Variants in AK9 observed in about 807,000 individuals in gnomAD.
AK9 encodes adenylate kinase domain containing 1.
In AK9, 191 loss-of-function variants were observed where a neutral mutation model predicts 239.6. The ratio of observed to expected loss-of-function variants is 0.80; its 90% CI spans 0.71 to 0.90. AK9 has a LOEUF of 0.90. Among genes scored for constraint, AK9 ranks in the 40% least tolerant of loss-of-function variants. The probability of loss-of-function intolerance (pLI) is 0.00; values close to 1 mark genes in which losing one functional copy is unlikely to be tolerated. For synonymous variants in AK9, 689 were observed against 721.0 expected, an observed-to-expected ratio of 0.96 and a Z score of 0.71; for missense variants, 1,995 against 2,214.7, an observed-to-expected ratio of 0.90 and a Z score of 1.99.
In AK9 at chr6:109,614,466, T is replaced by C; in HGVS notation, c.1414A>G (p.Arg472Gly). 1 of 1,551,124 alleles carries C rather than the reference T, an allele frequency of 6.4e-7. No homozygotes were observed. Among genetic ancestry groups the C allele is most frequent in the Non-Finnish European group, 8.7e-7 (1 of 1,146,658 alleles). ...QARKQAETALREFQRQYEKME... is the reference protein window; with the variant it reads ...QARKQAETALGEFQRQYEKME... ...TTTTCATATTGCCTTTGAAATTCTCTTAAAGCTGTTTCAGCTGAAATATAA... is the reference window on the plus strand; with the variant it reads ...TTTTCATATTGCCTTTGAAATTCTCCTAAAGCTGTTTCAGCTGAAATATAA... The change falls in exon 14 of 41, where the codon AGA becomes GGA. Residue 472 changes from arginine (R) to glycine (G), a missense_variant. Physicochemically the swap from Arg to Gly is moderately radical, Grantham distance 125 (BLOSUM62 -2). Coordinates refer to ENST00000424296, the MANE Select transcript of AK9 (RefSeq NM_001145128.3).
At chr6:109,658,221 C>T (rs1799959424) in intron 7 of AK9, among the ~76,000 whole-genome samples, 1 of 152,070 alleles carries the variant, frequency 6.6e-6, no homozygotes, top group Non-Finnish European at 1.5e-5. Context: ...TTCAAAGTGG[C>T]TCAATACACG....
intron 5 of AK9, among the ~76,000 whole-genome samples, chr6:109,668,886 T>C (rs1298788886): frequency 1.1e-5 from 1 of 90,426 alleles, no homozygotes; most frequent in Non-Finnish European, 2.5e-5. Flanking sequence ...TGCCAGCTCT[T>C]TTTTGGTTCC....
chr6:109,642,628 G>A (rs925139458), intron 9 of AK9, among the ~76,000 whole-genome samples: 2 of 152,078 alleles, frequency 1.3e-5, no homozygotes, highest in South Asian at 2.1e-4. Context: ...GTAGTAAAAA[G>A]TGGTAGAATT....
intron 3 of AK9, among the ~76,000 whole-genome samples, chr6:109,673,522 A>G (rs940435650): frequency 1.3e-5 from 2 of 151,906 alleles, no homozygotes; most frequent in African/African-American, 4.8e-5. Flanking sequence ...TTATTAATTA[A>G]AAGAATATTT....
intron 17 of AK9, among the ~76,000 whole-genome samples, chr6:109,604,278 C>G (rs1326415343): frequency 6.6e-6 from 1 of 152,200 alleles, no homozygotes; most frequent in Non-Finnish European, 1.5e-5. Context: ...TTTTCCCTTA[C>G]AAGTTCTTCC....
chr6:109,520,720 A>G (rs1779771660), intron 29 of AK9, among the ~76,000 whole-genome samples: 2 of 152,146 alleles, frequency 1.3e-5, no homozygotes, highest in African/African-American at 4.8e-5. Context: ...AACAATACTG[A>G]TTCTTCCAGT....
intron 1 of AK9, among the ~76,000 whole-genome samples, chr6:109,689,378 C>T (rs1773990076): frequency 6.6e-6 from 1 of 152,178 alleles, no homozygotes; most frequent in Non-Finnish European, 1.5e-5. Context: ...GCACGACCAG[C>T]CCAACTTCCA....
chr6:109,523,924 C>T (rs956634068), intron 29 of AK9, among the ~76,000 whole-genome samples: 1 of 152,126 alleles, frequency 6.6e-6, no homozygotes, highest in Non-Finnish European at 1.5e-5. Context: ...AGGTACATAA[C>T]AAAGTCCAGA....
At chr6:109,510,945 A>C (rs1410893276) in intron 32 of AK9, among the ~76,000 whole-genome samples, 2 of 152,246 alleles carry the variant, frequency 1.3e-5, no homozygotes, top group East Asian at 3.8e-4. Flanking sequence ...TTCTCAATGA[A>C]ATTTCAAAAA....
At chr6:109,653,375 T>C (rs555641570) in intron 8 of AK9, among the ~76,000 whole-genome samples, 4 of 152,332 alleles carry the variant, frequency 2.6e-5, no homozygotes, top group Non-Finnish European at 4.4e-5. Context: ...TCTGCCAAAC[T>C]GAGTTAAAAA....
chr6:109,537,251 G>A (rs1041893993), intron 27 of AK9, among the ~76,000 whole-genome samples: 5 of 151,982 alleles, frequency 3.3e-5, no homozygotes, highest in African/African-American at 1.2e-4. Flanking sequence ...TTTTTGGTTG[G>A]TAGGCTATTA....
chr6:109,546,155 G>A, intron 25 of AK9, 28 bp from the exon 26 acceptor site: 2 of 1,329,306 alleles, frequency 1.5e-6, no homozygotes, highest in East Asian at 2.5e-5. Flanking sequence ...TCAGGGAGGG[G>A]TGGGATAAAG....
chr6:109,637,428 C>A (rs1460034322), intron 10 of AK9, among the ~76,000 whole-genome samples: 1 of 152,092 alleles, frequency 6.6e-6, no homozygotes, highest in Non-Finnish European at 1.5e-5. Flanking sequence ...GTCTCAAACT[C>A]CTGGCCTCAA....
Position 109,493,129 on chromosome 6 carries a change from A to T in AK9, c.*240T>A. 1 of 348,980 alleles carries T rather than the reference A, an allele frequency of 2.9e-6. No individual in the cohort carries two copies. The highest frequency in any genetic ancestry group is 5.1e-6 in the Non-Finnish European group (1 of 194,640). 21.6% of individuals were successfully genotyped at this position (348,980 alleles called of 1,614,324 possible). A position where few individuals can be genotyped will look rare whatever the true frequency, so the allele number is the denominator to read the frequency against. The stretch of plus-strand genomic sequence containing the variant: ...TATAAATAGAATGTTTATTTTGTTA[A>T]AGCATCAAAGTTCAGGCAAAGAGCA... On this transcript the variant is annotated 3_prime_UTR_variant, in exon 41 of 41. Transcript: ENST00000424296.
rs961050766 is a variant in AK9, at chr6:109,662,677, T to C, written c.332-14A>G. 3.5e-6 allele frequency: 5 copies of C among 1,410,896 alleles called. No individual in the cohort carries two copies. Among genetic ancestry groups the C allele is most frequent in the African/African-American group, 2.9e-5 (2 of 67,882 alleles). The allele number at this position is 1,410,896 out of a possible 1,614,324, so 87.4% of individuals were successfully genotyped here. A position where few individuals can be genotyped will look rare whatever the true frequency, so the allele number is the denominator to read the frequency against. On this transcript the variant is annotated splice_polypyrimidine_tract_variant and intron_variant, in intron 5 of 40. Coordinates refer to ENST00000424296, the MANE Select transcript of AK9 (RefSeq NM_001145128.3). Reference sequence around the variant, plus strand: ...TGATAATATAACCTGTAAAGTAAAATATAATTTTAAAACTTTTATAAAATT... The same window carrying C: ...TGATAATATAACCTGTAAAGTAAAACATAATTTTAAAACTTTTATAAAATT...
chr6:109,635,647 A>G (rs930926576), intron 10 of AK9, among the ~76,000 whole-genome samples: 3 of 152,130 alleles, frequency 2.0e-5, no homozygotes, highest in Non-Finnish European at 4.4e-5. Context: ...ACTCCTACCC[A>G]TCCTCTTGCT....
chr6:109,639,051 T>C (rs954094146), intron 10 of AK9, among the ~76,000 whole-genome samples: 46 of 152,226 alleles, frequency 3.0e-4, no homozygotes, highest in African/African-American at 9.4e-4. Context: ...CAGTCTATCA[T>C]TGATGGACAT....
chr6:109,563,089 T>A (rs1311504565), intron 24 of AK9, among the ~76,000 whole-genome samples: 3 of 152,224 alleles, frequency 2.0e-5, no homozygotes, highest in Non-Finnish European at 4.4e-5. Context: ...ACCCAGTTAA[T>A]CACAAGTCTA....
intron 33 of AK9, 77 bp from the exon 34 acceptor site, chr6:109,506,877 G>T: frequency 7.0e-7 from 1 of 1,431,660 alleles, no homozygotes; most frequent in South Asian, 1.6e-5. Context: ...TCCAGAACCA[G>T]TCTGTCTCTT....
Sources: allele counts gnomAD v4.1 joint callset (sites outside exome capture counted in the v4.1 genomes callset), GRCh38; gene constraint gnomAD v4.1.1; transcripts MANE v1.5; gene names NCBI Gene and HGNC (gene_info 2026-07-23, HGNC 2026-07-21).